Variants in TPO observed in about 807,000 individuals in gnomAD.
TPO encodes thyroid microsomal antigen.
Under a neutral mutation model 96.9 loss-of-function variants are expected in TPO, and 78 were observed. The observed-to-expected ratio is 0.81, with a 90% CI of 0.67 to 0.97. The LOEUF (loss-of-function observed/expected upper bound fraction) is 0.97, where lower values mean the gene tolerates loss of function less well. TPO is among the 50% of genes least tolerant of loss of function. The pLI is 0.00. For missense variants in TPO, 1,252 were observed against 1,274.8 expected (o/e 0.98, Z 0.27); for synonymous variants, 547 against 538.0 (o/e 1.02, Z -0.23).
intron 8 of TPO, chr2:1,478,374 G>T (rs891953306): frequency 1.0e-6 from 1 of 985,226 alleles, no homozygotes; most frequent in African/African-American, 1.7e-5. Flanking sequence ...CCTGGGCATC[G>T]TGTCTGCAGT....
intron 5 of TPO, among the ~76,000 whole-genome samples, chr2:1,441,808 A>T (rs1396788552): frequency 6.6e-6 from 1 of 152,142 alleles, no homozygotes; most frequent in Non-Finnish European, 1.5e-5. Context: ...TTTGGGTTTT[A>T]GTGTGTAGCT....
At chr2:1,525,199 C>T (rs1282671335) in intron 15 of TPO, among the ~76,000 whole-genome samples, 1 of 132,536 alleles carries the variant, frequency 7.5e-6, no homozygotes, top group African/African-American at 2.8e-5. Flanking sequence ...CAAGTCCCCC[C>T]ACTGTGCAAC....
intron 5 of TPO, among the ~76,000 whole-genome samples, chr2:1,441,901 CCCACCCAAATCTCATT>C (rs1385521349): frequency 6.6e-6 from 1 of 152,080 alleles, no homozygotes; most frequent in African/African-American, 2.4e-5. Context: ...TGGCTGTGTC[CCCACCCAAATCTCATT>C]TGAATTCCCA....
intron 1 of TPO, among the ~76,000 whole-genome samples, chr2:1,380,206 A>ACC: frequency 6.6e-6 from 1 of 152,194 alleles, no homozygotes; most frequent in East Asian, 1.9e-4. Flanking sequence ...CATCCTGGCT[A>ACC]ATACGGTGAA....
chr2:1,489,537 T>A (rs1332521477), intron 10 of TPO, among the ~76,000 whole-genome samples: 2 of 152,232 alleles, frequency 1.3e-5, no homozygotes, highest in African/African-American at 4.8e-5. Context: ...CCCACTGGCC[T>A]GTGGGTCCCC....
At chr2:1,418,688 T>G (rs565089401) in intron 2 of TPO, among the ~76,000 whole-genome samples, 30 of 152,366 alleles carry the variant, frequency 2.0e-4, no homozygotes, top group Non-Finnish European at 3.8e-4. Context: ...TCAAGATTTA[T>G]GTGCAATTAT....
At chr2:1,436,734 T>G (rs1665613703) in intron 5 of TPO, among the ~76,000 whole-genome samples, 1 of 152,234 alleles carries the variant, frequency 6.6e-6, no homozygotes, top group Admixed American at 6.5e-5. Flanking sequence ...TTGTTTCCAA[T>G]GCACCCCCAA....
At chr2:1,460,854 G>A (rs561531076) in intron 7 of TPO, among the ~76,000 whole-genome samples, 2 of 152,094 alleles carry the variant, frequency 1.3e-5, no homozygotes, top group East Asian at 3.9e-4. Flanking sequence ...GTAGTGGGGT[G>A]GGGGCTCCAC....
chr2:1,536,998 T>C (rs56781501), intron 15 of TPO, among the ~76,000 whole-genome samples: 2 of 27,224 alleles, frequency 7.3e-5, no homozygotes, highest in Non-Finnish European at 1.3e-4. Context: ...GTGTGCAACC[T>C]CAAATCCCCC....
chr2:1,512,957 G>A (rs971752455), intron 14 of TPO, among the ~76,000 whole-genome samples: 2 of 152,176 alleles, frequency 1.3e-5, no homozygotes, highest in Admixed American at 6.5e-5. Context: ...CATCCCTGAC[G>A]CACAAGCCTA....
intron 10 of TPO, among the ~76,000 whole-genome samples, chr2:1,491,699 C>T (rs1375195850): frequency 2.0e-5 from 3 of 152,198 alleles, no homozygotes; most frequent in Non-Finnish European, 4.4e-5. Context: ...TACAGGTTAC[C>T]TATTCCTGGA....
intron 7 of TPO, among the ~76,000 whole-genome samples, chr2:1,472,779 C>G (rs1317567515): frequency 7.9e-6 from 1 of 127,100 alleles, no homozygotes; most frequent in African/African-American, 3.1e-5. Context: ...GCCATCCACA[C>G]TGGCAACAGC....
chr2:1,484,936 T>C (rs1337947821), intron 9 of TPO, 82 bp downstream of exon 9: 2 of 1,577,038 alleles, frequency 1.3e-6, no homozygotes, highest in East Asian at 2.4e-5. Context: ...TTTTAAGTTC[T>C]AGGGTACATG....
At chr2:1,389,180 C>T (rs770609896) in intron 1 of TPO, among the ~76,000 whole-genome samples, 5 of 152,046 alleles carry the variant, frequency 3.3e-5, no homozygotes, top group Admixed American at 6.5e-5. Flanking sequence ...GGAGACTGTG[C>T]TGGGATGAGG....
chr2:1,527,440 A>G (rs1268461685), intron 15 of TPO, among the ~76,000 whole-genome samples: 2 of 112,164 alleles, frequency 1.8e-5, no homozygotes, highest in African/African-American at 3.7e-5. Context: ...ACTGTGAGCA[A>G]CCTCCTCAAA....
chr2:1,404,794 C>A (rs1662224224), intron 1 of TPO, among the ~76,000 whole-genome samples: 1 of 152,158 alleles, frequency 6.6e-6, no homozygotes, highest in African/African-American at 2.4e-5. Flanking sequence ...TAGAAGGCTG[C>A]AGCATTGGTT....
chr2:1,484,534 G>A (rs952167169), intron 8 of TPO, 62 bp from the exon 9 acceptor site: 31 of 1,610,180 alleles, frequency 1.9e-5, no homozygotes, highest in East Asian at 6.7e-5. Context: ...CCACACTGCC[G>A]CTCGAGGCGA....
chr2:1,504,759 G>A (rs769826286), intron 14 of TPO, among the ~76,000 whole-genome samples: 5 of 152,188 alleles, frequency 3.3e-5, no homozygotes, highest in South Asian at 2.1e-4. Context: ...AAGAGAGGGC[G>A]AGAGACGCTC....
In TPO at chr2:1,542,574, G is replaced by GTTTTC. The variant is rs1172488097; in HGVS notation, c.*101_*105dup. 2 of 1,575,718 alleles carry GTTTTC rather than the reference G, an allele frequency of 1.3e-6. No individual in the cohort carries two copies. Among genetic ancestry groups the GTTTTC allele is most frequent in the Non-Finnish European group, 1.7e-6 (2 of 1,159,856 alleles). ...CAAATCCGAAATCAGCAGGACGACT[G>GTTTTC]TTTTCCCAACACGGGTAAATCTAGT... is the stretch of plus-strand genomic sequence containing the variant. On this transcript the variant is annotated 3_prime_UTR_variant, in exon 17 of 17. Coordinates refer to ENST00000329066, the MANE Select transcript of TPO (RefSeq NM_001206744.2).
Sources: allele counts gnomAD v4.1 joint callset (sites outside exome capture counted in the v4.1 genomes callset), GRCh38; gene constraint gnomAD v4.1.1; transcripts MANE v1.5; gene names NCBI Gene and HGNC (gene_info 2026-07-23, HGNC 2026-07-21).